The following ZNF385D variants were observed in gnomAD, a reference collection of about 807,000 sequenced individuals.
ZNF385D encodes the protein zinc finger protein 385D, also known as zinc finger protein 659.
In ZNF385D, 15 loss-of-function variants were observed where a neutral mutation model predicts 35.8. That is an observed-to-expected ratio of 0.42 (90% confidence interval 0.28 to 0.64). The LOEUF is 0.64. Among genes scored for constraint, ZNF385D ranks in the 30% least tolerant of loss-of-function variants. ZNF385D has a pLI of 0.23. For missense variants in ZNF385D, 474 were observed against 494.6 expected (o/e 0.96, Z 0.39); for synonymous variants, 212 against 186.8 (o/e 1.13, Z -1.10).
At chr3:21,924,515 T>C (rs917997614) in intron 3 of ZNF385D, among the ~76,000 whole-genome samples, 53 of 152,242 alleles carry the variant, frequency 3.5e-4, no homozygotes, top group African/African-American at 1.2e-3. Context: ...CCTCAAAAAA[T>C]TGTGGCCCCA....
chr3:21,846,363 G>A (rs1212188167), intron 3 of ZNF385D, among the ~76,000 whole-genome samples: 1 of 151,990 alleles, frequency 6.6e-6, no homozygotes, highest in African/African-American at 2.4e-5. Flanking sequence ...CCTTAAGTTT[G>A]GGGTAGGAAT....
At chr3:21,948,072 T>C (rs613768) in intron 3 of ZNF385D, among the ~76,000 whole-genome samples, 39,422 of 152,082 alleles carry the variant, frequency 0.26, 5,832 homozygotes, top group Admixed American at 0.41. Context: ...TGTTATAATT[T>C]ACTAATTAAT....
intron 3 of ZNF385D, among the ~76,000 whole-genome samples, chr3:21,919,578 A>G (rs1386943981): frequency 6.6e-6 from 1 of 152,200 alleles, no homozygotes; most frequent in East Asian, 1.9e-4. Flanking sequence ...CCACATTTCC[A>G]CTTCAAGAGA....
In ZNF385D at chr3:22,327,331, A is replaced by G. The variant is rs1305887297; in HGVS notation, c.106+45119T>C. ...ACTTTCTGTAAAATAAGAAATGTAA[A>G]TTTTCTAAATTAAACTACAAGTAGA... On this transcript the variant is annotated intron_variant, in intron 2 of 5. Coordinates refer to the ZNF385D transcript ENST00000494108. Among the ~76,000 whole-genome samples, 4 of 152,138 alleles carry G rather than the reference A, an allele frequency of 2.6e-5. No individual in the cohort carries two copies. The East Asian group carries it at 7.7e-4, about 29-fold the overall frequency.
intron 3 of ZNF385D, among the ~76,000 whole-genome samples, chr3:21,792,173 A>G (rs1176636451): frequency 6.6e-6 from 1 of 152,214 alleles, no homozygotes; most frequent in Non-Finnish European, 1.5e-5. Context: ...CATAATTTCC[A>G]TATCTATAAA....
At chr3:22,278,873 G>T (rs890242472) in intron 2 of ZNF385D, among the ~76,000 whole-genome samples, 2 of 152,046 alleles carry the variant, frequency 1.3e-5, no homozygotes, top group Non-Finnish European at 2.9e-5. Context: ...ATGGGAAATT[G>T]GCTTGACGTG....
chr3:21,786,805 A>G (rs1200277141), intron 3 of ZNF385D, among the ~76,000 whole-genome samples: 2 of 152,192 alleles, frequency 1.3e-5, no homozygotes, highest in Non-Finnish European at 2.9e-5. Context: ...TTTTTTGTAT[A>G]AACAAACCTT....
intron 3 of ZNF385D, among the ~76,000 whole-genome samples, chr3:22,081,167 C>T (rs1249874560): frequency 6.6e-6 from 1 of 152,128 alleles, no homozygotes; most frequent in African/African-American, 2.4e-5. Flanking sequence ...AATGTTCAAT[C>T]TATGATTTTT....
chr3:21,931,943 C>T (rs987386663), intron 3 of ZNF385D, among the ~76,000 whole-genome samples: 87 of 151,818 alleles, frequency 5.7e-4, no homozygotes, highest in Non-Finnish European at 1.0e-3. Context: ...AGGCAGATCA[C>T]GAGGTCATGA....
At chr3:21,759,107 A>C (rs116480028) in intron 3 of ZNF385D, among the ~76,000 whole-genome samples, 2,972 of 151,972 alleles carry the variant, frequency 0.02, 91 homozygotes, top group African/African-American at 0.067. Context: ...GAAATGAAGC[A>C]TATATCCAAA....
At chr3:21,547,633 T>C (rs74497702) in intron 3 of ZNF385D, among the ~76,000 whole-genome samples, 4 of 151,490 alleles carry the variant, frequency 2.6e-5, no homozygotes, top group Non-Finnish European at 4.4e-5. Context: ...TTTTTTTTTT[T>C]GAGACAAGAG....
Position 22,245,478 on chromosome 3 carries a change from CAAAA to C in ZNF385D, c.107-76447_107-76444del, listed in dbSNP as rs10576851. Among the ~76,000 whole-genome samples, 40 of 124,346 alleles carry C rather than the reference CAAAA, an allele frequency of 3.2e-4. 1 individual carries two copies. Among genetic ancestry groups the C allele is most frequent in the African/African-American group, 6.5e-4 (24 of 36,898 alleles). 81.6% of individuals were successfully genotyped at this position (124,346 alleles called of 152,430 possible). On this transcript the variant is annotated intron_variant, in intron 2 of 5. Transcript: ENST00000494108. ...ATGACTTCTCAAAGACAGGATAAGCCAAAAAAAAAAAAAAAAAATACAAACCCAG... is the reference window on the plus strand; with the variant it reads ...ATGACTTCTCAAAGACAGGATAAGCCAAAAAAAAAAAAAATACAAACCCAG...
intron 3 of ZNF385D, among the ~76,000 whole-genome samples, chr3:22,076,035 G>A (rs1700447271): frequency 6.6e-6 from 1 of 151,814 alleles, no homozygotes; most frequent in Non-Finnish European, 1.5e-5. Flanking sequence ...ATCCAGCTTT[G>A]TCTCCCCCAT....
intron 4 of ZNF385D, among the ~76,000 whole-genome samples, chr3:21,487,521 A>C (rs2125396832): frequency 6.6e-6 from 1 of 152,254 alleles, no homozygotes; most frequent in East Asian, 1.9e-4. Context: ...CTATGTATTT[A>C]CTGATGCTTC....
At chr3:21,481,097 C>T (rs191382977) in intron 4 of ZNF385D, among the ~76,000 whole-genome samples, 119 of 152,212 alleles carry the variant, frequency 7.8e-4, no homozygotes, top group African/African-American at 2.7e-3. Context: ...GCTGAGCAAT[C>T]GCTGATAGTG....
intron 1 of ZNF385D, among the ~76,000 whole-genome samples, chr3:21,699,727 TAA>T (rs2067604500): frequency 6.6e-6 from 1 of 151,822 alleles, no homozygotes; most frequent in Non-Finnish European, 1.5e-5. Context: ...TTATTTAAAT[TAA>T]TTTTCCTTGT....
chr3:21,827,684 A>G lies in ZNF385D; in HGVS notation c.326-162656T>C, dbSNP rs568192615. Among the ~76,000 whole-genome samples, 6 of 152,314 alleles carry G rather than the reference A, an allele frequency of 3.9e-5. No homozygotes were observed. The East Asian group carries it at 1.2e-3, about 29-fold the overall frequency. ...GAGTGCCTCTATTTTGAAGCATTAC[A>G]AGGAGTCTTGGAACGTGGAAGGAAA... On this transcript the variant is annotated intron_variant, in intron 3 of 5. Transcript: ENST00000494108.
chr3:21,450,027 C>A (rs1702364863), intron 4 of ZNF385D, among the ~76,000 whole-genome samples: 1 of 152,144 alleles, frequency 6.6e-6, no homozygotes, highest in South Asian at 2.1e-4. Flanking sequence ...GAAAAAGGTC[C>A]CAGGGTATCT....
At chr3:21,490,714 G>T (rs1705372243) in intron 4 of ZNF385D, among the ~76,000 whole-genome samples, 1 of 151,736 alleles carries the variant, frequency 6.6e-6, no homozygotes, top group African/African-American at 2.4e-5. Flanking sequence ...TGTCAAATTT[G>T]AGTCTCTGAA....
Sources: allele counts gnomAD v4.1 joint callset (sites outside exome capture counted in the v4.1 genomes callset), GRCh38; gene constraint gnomAD v4.1.1; transcripts MANE v1.5; gene names NCBI Gene and HGNC (gene_info 2026-07-23, HGNC 2026-07-21).